NVL: variants seen among roughly 807,000 people sequenced by gnomAD.
NVL encodes nuclear VCP like, also known as nuclear valosin-containing protein-like.
Under a neutral mutation model 110.2 loss-of-function variants are expected in NVL, and 84 were observed. The ratio of observed to expected loss-of-function variants is 0.76; its 90% CI spans 0.64 to 0.91. The LOEUF is 0.91. Ranked by LOEUF, NVL falls within the 40% of genes least tolerant of loss-of-function variation. The pLI, the probability that NVL is intolerant of heterozygous loss-of-function variation, is 0.00. For synonymous variants in NVL, 354 were observed against 361.1 expected, an observed-to-expected ratio of 0.98 and a Z score of 0.22; for missense variants, 882 against 1,035.9, an observed-to-expected ratio of 0.85 and a Z score of 2.04.
At chr1:224,296,259 T>G (rs1558321292) in intron 11 of NVL, among the ~76,000 whole-genome samples, 1 of 152,164 alleles carries the variant, frequency 6.6e-6, no homozygotes, top group Non-Finnish European at 1.5e-5. Flanking sequence ...TTTTATTTAT[T>G]TTTAGAGGTA....
chr1:224,267,948 CTTTTAT>C (rs766503362), intron 18 of NVL, 80 bp downstream of exon 18: 374 of 915,698 alleles, frequency 4.1e-4, no homozygotes, highest in Non-Finnish European at 5.2e-4. Context: ...CTAGTTTTTA[CTTTTAT>C]TTTTAATTAT....
intron 6 of NVL, among the ~76,000 whole-genome samples, chr1:224,307,467 C>T (rs994247822): frequency 2.6e-5 from 4 of 152,020 alleles, no homozygotes; most frequent in Non-Finnish European, 2.9e-5. Context: ...TTTGGGAGTC[C>T]GAGGCGGGTG....
chr1:224,317,143 GAA>G (rs1237165279), intron 4 of NVL, among the ~76,000 whole-genome samples: 700 of 69,882 alleles, frequency 0.01, 4 homozygotes, highest in African/African-American at 0.032. Flanking sequence ...AATCTCAAAA[GAA>G]AAAAAAAAAA....
At chr1:224,306,135 T>C (rs1668890148) in intron 6 of NVL, among the ~76,000 whole-genome samples, 1 of 152,214 alleles carries the variant, frequency 6.6e-6, no homozygotes, top group Non-Finnish European at 1.5e-5. Context: ...GACACACCTG[T>C]AGCCCCAGCT....
chr1:224,242,888 C>T (rs187055621), intron 19 of NVL, among the ~76,000 whole-genome samples: 126 of 144,942 alleles, frequency 8.7e-4, no homozygotes, highest in African/African-American at 2.5e-3. Flanking sequence ...TGCAACGGCG[C>T]GATCTTGGCT....
chr1:224,289,985 TA>T (rs1338154797), intron 12 of NVL, among the ~76,000 whole-genome samples: 1 of 152,326 alleles, frequency 6.6e-6, no homozygotes, highest in East Asian at 1.9e-4. Context: ...ATAGAATTTT[TA>T]AAAAATATTT....
chr1:224,269,500 TTC>T (rs1290194458), intron 17 of NVL, among the ~76,000 whole-genome samples: 3 of 152,206 alleles, frequency 2.0e-5, no homozygotes, highest in Non-Finnish European at 4.4e-5. Context: ...CTGAGGTATT[TTC>T]TCTTTTCCTT....
In NVL at chr1:224,289,369, T is replaced by A. The variant is rs952431091; in HGVS notation, c.1575+115A>T. On this transcript the variant is annotated intron_variant, in intron 13 of 22. Transcript: ENST00000281701. ...GTATAAATGATAAGTATTCTATAGA[T>A]TAAATGCCAATAAAACAGAAAGTAA... 1.3e-5 allele frequency: 14 copies of A among 1,055,766 alleles called. No homozygotes were observed. In the Admixed American group the frequency reaches 1.3e-4, roughly 10 times the overall value. 65.4% of individuals were successfully genotyped at this position (1,055,766 alleles called of 1,614,324 possible). A position where few individuals can be genotyped will look rare whatever the true frequency, so the allele number is the denominator to read the frequency against.
At chr1:224,280,169 G>GTTTTTTTTTTTTTTTTTTTT (rs1225902326) in intron 16 of NVL, among the ~76,000 whole-genome samples, 1 of 130,980 alleles carries the variant, frequency 7.6e-6, no homozygotes, top group African/African-American at 3.1e-5. Flanking sequence ...GTGTACTGCT[G>GTTTTTTTTTTTTTTTTTTTT]TTTTTTTTTG....
intron 19 of NVL, among the ~76,000 whole-genome samples, chr1:224,248,349 CCTTA>C (rs1571820354): frequency 1.3e-5 from 2 of 152,084 alleles, no homozygotes; most frequent in African/African-American, 4.8e-5. Context: ...AGTCATATTG[CCTTA>C]GTTCTAACAT....
At chr1:224,264,975 A>C (rs1023133119) in intron 18 of NVL, among the ~76,000 whole-genome samples, 16 of 151,794 alleles carry the variant, frequency 1.1e-4, no homozygotes, top group African/African-American at 3.6e-4. Flanking sequence ...TCGATCTTCT[A>C]ACCTTGTGAT....
At chr1:224,263,167 C>T (rs767156928) in intron 18 of NVL, among the ~76,000 whole-genome samples, 2 of 152,192 alleles carry the variant, frequency 1.3e-5, no homozygotes, top group East Asian at 3.8e-4. Flanking sequence ...TTGTTATAAG[C>T]TTTTCCTGCC....
At chr1:224,267,453 C>T (rs1221141441) in intron 18 of NVL, among the ~76,000 whole-genome samples, 1 of 151,788 alleles carries the variant, frequency 6.6e-6, no homozygotes, top group Non-Finnish European at 1.5e-5. Flanking sequence ...TTTGGGAGGC[C>T]GAGGTGGGCA....
chr1:224,272,740 A>G (rs955941254), intron 17 of NVL, among the ~76,000 whole-genome samples: 2 of 151,570 alleles, frequency 1.3e-5, no homozygotes, highest in Admixed American at 6.6e-5. Context: ...AAAACAAAAA[A>G]CAAAACACAA....
Position 224,250,221 on chromosome 1 carries a change from AG to A in NVL, c.2279del (p.Thr760IlefsTer15), listed in dbSNP as rs1662313173. The A allele has an allele frequency of 6.2e-7, 1 of 1,610,262 alleles. No individual in the cohort carries two copies. The highest frequency in any genetic ancestry group is 1.3e-5 in the African/African-American group (1 of 74,636). On this transcript the variant is annotated frameshift_variant, in exon 19 of 23. Transcript: ENST00000281701. LOFTEE classifies it high-confidence loss of function. ...CATTTCCTTTACTCACTTTTGTGAT[AG>A]TTTTTAAGATGGCAAGGCGATCTGC... Reference protein sequence around the residue: ...PPADRLAILKTITKNGTKPPL... With the variant: ...PPADRLAILKXITKNGTKPPL...
At chr1:224,289,451 A>C in intron 13 of NVL, 33 bp downstream of exon 13, 1 of 1,608,846 alleles carries the variant, frequency 6.2e-7, no homozygotes, top group Non-Finnish European at 8.5e-7. Context: ...AGAACATTAA[A>C]AGGACAATTT....
chr1:224,275,307 G>T, intron 17 of NVL, 32 bp downstream of exon 17: 1 of 1,613,412 alleles, frequency 6.2e-7, no homozygotes, highest in Non-Finnish European at 8.5e-7. Flanking sequence ...TGTGCTAAAA[G>T]AATCTGAAAA....
intron 18 of NVL, among the ~76,000 whole-genome samples, chr1:224,264,997 G>T (rs1304880497): frequency 3.3e-5 from 5 of 151,810 alleles, no homozygotes; most frequent in African/African-American, 1.2e-4. Flanking sequence ...CGCCGGCCTC[G>T]GCCTCCCAAA....
chr1:224,248,932 C>G (rs1366903433), intron 19 of NVL, among the ~76,000 whole-genome samples: 1 of 152,170 alleles, frequency 6.6e-6, no homozygotes, highest in East Asian at 1.9e-4. Flanking sequence ...GGGACAGCTC[C>G]CATGGGGGGA....
Sources: allele counts gnomAD v4.1 joint callset (sites outside exome capture counted in the v4.1 genomes callset), GRCh38; gene constraint gnomAD v4.1.1; transcripts MANE v1.5; gene names NCBI Gene and HGNC (gene_info 2026-07-23, HGNC 2026-07-21).